CSMD1: variants seen among roughly 807,000 people sequenced by gnomAD.
The protein encoded by CSMD1 is CUB and sushi domain-containing protein 1.
CSMD1 carries 213 observed loss-of-function variants against 417.5 expected under a neutral mutation model. The ratio of observed to expected loss-of-function variants is 0.51; its 90% CI spans 0.46 to 0.57. The LOEUF is 0.57. CSMD1 is among the 20% of genes least tolerant of loss of function. The pLI, the probability that CSMD1 is intolerant of heterozygous loss-of-function variation, is 0.00. For missense variants in CSMD1, 6,923 were observed against 4,529.7 expected, an observed-to-expected ratio of 1.53 and a Z score of -15.17; for synonymous variants, 2,862 against 1,736.8, an observed-to-expected ratio of 1.65 and a Z score of -16.11.
chr8:3,736,751 C>A (rs1187080879), intron 6 of CSMD1, among the ~76,000 whole-genome samples: 1 of 152,222 alleles, frequency 6.6e-6, no homozygotes, highest in African/African-American at 2.4e-5. Context: ...CTTTACCAAT[C>A]ATTAGGTGTG....
intron 3 of CSMD1, among the ~76,000 whole-genome samples, chr8:4,276,868 A>C (rs2128856344): frequency 6.6e-6 from 1 of 152,362 alleles, no homozygotes; most frequent in Admixed American, 6.5e-5. Flanking sequence ...TCAGAAAATA[A>C]GTTAAAAACA....
At chr8:3,766,147 C>G (rs964131258) in intron 5 of CSMD1, among the ~76,000 whole-genome samples, 1 of 152,170 alleles carries the variant, frequency 6.6e-6, no homozygotes, top group African/African-American at 2.4e-5. Flanking sequence ...TGGCATTTCT[C>G]TGTGGGTGTG....
chr8:4,708,100 C>T (rs947749401), intron 1 of CSMD1, among the ~76,000 whole-genome samples: 26 of 149,980 alleles, frequency 1.7e-4, no homozygotes, highest in Admixed American at 2.7e-4. Context: ...TCTGCCAATA[C>T]ACTGGCTAAT....
chr8:3,489,561 T>G (rs1208822290), intron 11 of CSMD1, among the ~76,000 whole-genome samples: 1 of 152,160 alleles, frequency 6.6e-6, no homozygotes, highest in Non-Finnish European at 1.5e-5. Flanking sequence ...CAACAGACAT[T>G]TGCAAAGAAA....
chr8:3,777,689 C>G (rs950699348), intron 5 of CSMD1, among the ~76,000 whole-genome samples: 1 of 152,226 alleles, frequency 6.6e-6, no homozygotes. Flanking sequence ...AGGACCCACG[C>G]CAGACCTGCG....
chr8:3,670,217 T>C (rs1427588082), intron 7 of CSMD1, among the ~76,000 whole-genome samples: 3 of 151,938 alleles, frequency 2.0e-5, no homozygotes, highest in Middle Eastern at 3.2e-3. Flanking sequence ...TCTAATCAGC[T>C]GCCAGAGAAT....
intron 2 of CSMD1, among the ~76,000 whole-genome samples, chr8:4,610,034 A>T (rs1387836867): frequency 1.3e-5 from 2 of 152,076 alleles, no homozygotes; most frequent in African/African-American, 4.8e-5. Flanking sequence ...TCAGGAAAAA[A>T]AAAAAACAAT....
chr8:4,335,196 G>T (rs1474834353), intron 3 of CSMD1, among the ~76,000 whole-genome samples: 4 of 152,026 alleles, frequency 2.6e-5, no homozygotes, highest in Admixed American at 2.6e-4. Flanking sequence ...GAGCCACCAT[G>T]GCTGGCCTGG....
At chr8:4,228,947 G>C (rs1370356661) in intron 3 of CSMD1, among the ~76,000 whole-genome samples, 2 of 152,098 alleles carry the variant, frequency 1.3e-5, no homozygotes, top group East Asian at 3.9e-4. Flanking sequence ...GATTACAGGA[G>C]TGAGCCACTG....
chr8:4,259,017 G>C (rs1051915355), intron 3 of CSMD1, among the ~76,000 whole-genome samples: 16 of 152,194 alleles, frequency 1.1e-4, no homozygotes, highest in African/African-American at 1.2e-4. Context: ...ACGTTTGTTG[G>C]AAATGTTGAA....
intron 3 of CSMD1, among the ~76,000 whole-genome samples, chr8:4,102,259 C>A (rs558584071): frequency 6.6e-6 from 1 of 152,214 alleles, no homozygotes; most frequent in Admixed American, 6.5e-5. Flanking sequence ...TTTAGATATG[C>A]TATACTTTAC....
At chr8:4,451,626 C>G (rs1310767754) in intron 2 of CSMD1, among the ~76,000 whole-genome samples, 6 of 152,116 alleles carry the variant, frequency 3.9e-5, no homozygotes, top group African/African-American at 1.4e-4. Flanking sequence ...AAGAAGGAAT[C>G]TACTAGAAGG....
chr8:4,316,543 A>C (rs1234816739), intron 3 of CSMD1, among the ~76,000 whole-genome samples: 1 of 152,118 alleles, frequency 6.6e-6, no homozygotes, highest in Non-Finnish European at 1.5e-5. Context: ...CTGGTAAAAT[A>C]ATTATATATA....
At chr8:3,759,508 T>C (rs1208236173) in intron 5 of CSMD1, among the ~76,000 whole-genome samples, 2 of 152,120 alleles carry the variant, frequency 1.3e-5, no homozygotes, top group Non-Finnish European at 2.9e-5. Context: ...GGTTTTCTAA[T>C]AAACAAATAG....
At chr8:3,448,055 A>G (rs1437386774) in intron 12 of CSMD1, among the ~76,000 whole-genome samples, 1 of 151,962 alleles carries the variant, frequency 6.6e-6, no homozygotes, top group East Asian at 2.0e-4. Flanking sequence ...TGTGTCATAC[A>G]CAGGATTTCT....
At chr8:4,976,186 C>T (rs1810551293) in intron 1 of CSMD1, among the ~76,000 whole-genome samples, 1 of 152,110 alleles carries the variant, frequency 6.6e-6, no homozygotes. Flanking sequence ...GCTGAAAAAC[C>T]ATCTATTGGA....
intron 5 of CSMD1, among the ~76,000 whole-genome samples, chr8:3,834,419 CT>C (rs140119272): frequency 0.01 from 1,563 of 152,226 alleles, 39 homozygotes; most frequent in African/African-American, 0.035. Context: ...CAAATACCCC[CT>C]GGAAGTGGGG....
chr8:3,937,380 T>C (rs950568042), intron 5 of CSMD1, among the ~76,000 whole-genome samples: 1 of 152,122 alleles, frequency 6.6e-6, no homozygotes, highest in African/African-American at 2.4e-5. Context: ...GTGGTAAACT[T>C]TACTGTTGTC....
intron 12 of CSMD1, among the ~76,000 whole-genome samples, chr8:3,421,909 A>C (rs1813511384): frequency 6.9e-6 from 1 of 145,688 alleles, no homozygotes; most frequent in Admixed American, 6.7e-5. Flanking sequence ...AAGTGCTGGG[A>C]TTACAGGCGT....
Sources: gnomAD v4.1 joint callset for allele counts (sites outside exome capture counted in the v4.1 genomes callset) on GRCh38, gnomAD v4.1.1 for gene constraint, MANE v1.5 for transcripts, NCBI Gene and HGNC (gene_info 2026-07-23, HGNC 2026-07-21) for gene names.